Variants in BRINP1 observed in about 807,000 individuals in gnomAD.
BRINP1 encodes BMP/retinoic acid inducible neural specific 1.
In BRINP1, 17 loss-of-function variants were observed where a neutral mutation model predicts 72.9. The ratio of observed to expected loss-of-function variants is 0.23; its 90% CI spans 0.16 to 0.35. The LOEUF (loss-of-function observed/expected upper bound fraction) is 0.35. Ranked by LOEUF, BRINP1 falls within the 10% of genes least tolerant of loss-of-function variation. The pLI, the probability that BRINP1 is intolerant of heterozygous loss-of-function variation, is 1.00. For missense variants in BRINP1, 850 were observed against 1,001.6 expected (o/e 0.85, Z 2.04); for synonymous variants, 418 against 378.5 (o/e 1.10, Z -1.21).
rs1314330823 is a variant in BRINP1 at position 119,242,051 on chromosome 9, A to T, written c.575T>A (p.Ile192Asn). Residue 192 changes from isoleucine (I) to asparagine (N), a missense_variant, in exon 4 of 8, where the codon ATC becomes AAC. Coordinates refer to ENST00000265922, the MANE Select transcript of BRINP1 (RefSeq NM_014618.3). ...AAATCCACCCCGGAGCTGTACCTTG[A>T]TTGCTCCAGTTGATATCTGGATCTC... ...LHEIQISTGAIKVTETRTGPL... is the reference protein window; with the variant it reads ...LHEIQISTGANKVTETRTGPL... 6.2e-7 allele frequency: 1 copy of T among 1,613,686 alleles called. No individual in the cohort carries two copies. Among genetic ancestry groups the T allele is most frequent in the Admixed American group, 1.7e-5 (1 of 60,012 alleles).
rs529324866 is a variant in BRINP1 at position 119,329,513 on chromosome 9, T to C, written c.-50-16108A>G. Among the ~76,000 whole-genome samples, 3 of 152,268 alleles carry C rather than the reference T, an allele frequency of 2.0e-5. No homozygotes were observed. In the South Asian group the frequency reaches 6.2e-4, roughly 32 times the overall value. On this transcript the variant is annotated intron_variant, in intron 1 of 7. Coordinates refer to ENST00000265922, the MANE Select transcript of BRINP1 (RefSeq NM_014618.3). ...ATGCTGGATGTGCCTGGGCCGGCAA[T>C]CACAGGTTCAGTGTTGAGATTGAGC...
At chr9:119,258,290 G>A (rs1382408249) in intron 2 of BRINP1, among the ~76,000 whole-genome samples, 1 of 152,120 alleles carries the variant, frequency 6.6e-6, no homozygotes, top group African/African-American at 2.4e-5. Flanking sequence ...AACTTGAGAG[G>A]GAAAAATAGA....
chr9:119,348,548 C>G (rs1831471856), intron 1 of BRINP1, among the ~76,000 whole-genome samples: 2 of 152,190 alleles, frequency 1.3e-5, no homozygotes, highest in South Asian at 4.1e-4. Flanking sequence ...TTTTGCATCC[C>G]CACTAGCAAT....
chr9:119,291,738 G>T (rs1197089567), intron 2 of BRINP1, among the ~76,000 whole-genome samples: 1 of 152,184 alleles, frequency 6.6e-6, no homozygotes, highest in Admixed American at 6.5e-5. Context: ...GACGTCTGAG[G>T]ATGTCTTTCA....
intron 2 of BRINP1, among the ~76,000 whole-genome samples, chr9:119,276,337 C>G (rs1830658117): frequency 6.6e-6 from 1 of 152,096 alleles, no homozygotes; most frequent in South Asian, 2.1e-4. Context: ...TATGAGAACA[C>G]CTTCCTGATT....
intron 6 of BRINP1, among the ~76,000 whole-genome samples, chr9:119,210,569 C>T (rs1829911979): frequency 1.3e-5 from 2 of 152,088 alleles, no homozygotes; most frequent in African/African-American, 4.8e-5. Context: ...AGTCTGGCTC[C>T]AAATCCTGTG....
At chr9:119,328,530 C>T (rs756970809) in intron 1 of BRINP1, among the ~76,000 whole-genome samples, 23 of 152,130 alleles carry the variant, frequency 1.5e-4, no homozygotes, top group Non-Finnish European at 3.2e-4. Flanking sequence ...GAATATGAGA[C>T]AGAAAGATAA....
chr9:119,365,594 G>A (rs1385809480), intron 1 of BRINP1, among the ~76,000 whole-genome samples: 2 of 152,108 alleles, frequency 1.3e-5, no homozygotes, highest in African/African-American at 4.8e-5. Context: ...CAACTGAAGG[G>A]GCCTTTGGGC....
At chr9:119,209,077 A>G in intron 6 of BRINP1, 136 bp from the exon 7 acceptor site, 2 of 669,534 alleles carry the variant, frequency 3.0e-6, no homozygotes, top group Non-Finnish European at 2.6e-6. Context: ...GCCATAGAAC[A>G]TTGCATTAGT....
chr9:119,367,221 G>GTGATATATATATATATATATAT lies in BRINP1; in HGVS notation c.-51+1834_-51+1835insATATATATATATATATATATCA, dbSNP rs1564259756. On this transcript the variant is annotated intron_variant, in intron 1 of 7. Transcript: ENST00000265922. ...TGTGTGTGTGTGTGTGTGTGTGATTGATATATATATATATATATATATCTT... is the reference window on the plus strand; with the variant it reads ...TGTGTGTGTGTGTGTGTGTGTGATTGTGATATATATATATATATATATATATATATATATATATATATATCTT... Among the ~76,000 whole-genome samples the GTGATATATATATATATATATAT allele has an allele frequency of 3.3e-3, 326 of 99,790 alleles. 2 individuals carry two copies. The highest frequency in any genetic ancestry group is 4.3e-3 in the Admixed American group (36 of 8,438). 65.5% of individuals were successfully genotyped at this position (99,790 alleles called of 152,430 possible).
At chr9:119,216,884 T>A (rs969784265) in intron 5 of BRINP1, among the ~76,000 whole-genome samples, 3 of 152,128 alleles carry the variant, frequency 2.0e-5, no homozygotes, top group Non-Finnish European at 4.4e-5. Flanking sequence ...TGAAAACAGA[T>A]GAAGTTTGGG....
chr9:119,365,092 G>T (rs1831678160), intron 1 of BRINP1, among the ~76,000 whole-genome samples: 1 of 152,176 alleles, frequency 6.6e-6, no homozygotes, highest in Non-Finnish European at 1.5e-5. Context: ...TATACCCCCA[G>T]CGCTATAAAG....
At chr9:119,309,028 C>A (rs1831032789) in intron 2 of BRINP1, among the ~76,000 whole-genome samples, 1 of 151,362 alleles carries the variant, frequency 6.6e-6, no homozygotes, top group African/African-American at 2.4e-5. Flanking sequence ...CAGGAAAAAT[C>A]TTTGGACTAA....
At chr9:119,189,053 G>C (rs566886186) in intron 7 of BRINP1, among the ~76,000 whole-genome samples, 2 of 152,086 alleles carry the variant, frequency 1.3e-5, no homozygotes, top group Non-Finnish European at 2.9e-5. Flanking sequence ...TAAATAGTTG[G>C]GGGGAGGGTA....
chr9:119,171,015 C>T (rs1468503853), intron 7 of BRINP1, among the ~76,000 whole-genome samples: 15 of 145,340 alleles, frequency 1.0e-4, no homozygotes, highest in Middle Eastern at 3.5e-3. Flanking sequence ...CGGTACCAGC[C>T]GCTGCAAAAT....
intron 5 of BRINP1, among the ~76,000 whole-genome samples, chr9:119,216,604 T>C (rs1829980585): frequency 6.6e-6 from 1 of 152,212 alleles, no homozygotes; most frequent in Non-Finnish European, 1.5e-5. Flanking sequence ...AATTTATTTT[T>C]AGCTGATCCC....
chr9:119,357,516 A>G (rs1831581159), intron 1 of BRINP1, among the ~76,000 whole-genome samples: 1 of 152,206 alleles, frequency 6.6e-6, no homozygotes, highest in African/African-American at 2.4e-5. Flanking sequence ...CTAAGGGTGC[A>G]GATAAGCATG....
chr9:119,235,243 A>G (rs931441572), intron 5 of BRINP1, among the ~76,000 whole-genome samples: 9 of 152,170 alleles, frequency 5.9e-5, no homozygotes, highest in Admixed American at 2.0e-4. Context: ...CATGGTATCC[A>G]TTGCTCTCAA....
chr9:119,269,302 T>A (rs182437206), intron 2 of BRINP1, among the ~76,000 whole-genome samples: 3 of 152,232 alleles, frequency 2.0e-5, no homozygotes, highest in Admixed American at 6.5e-5. Flanking sequence ...TCCCGTTGAG[T>A]GCAGGAACTT....
Sources: allele counts gnomAD v4.1 joint callset (sites outside exome capture counted in the v4.1 genomes callset), GRCh38; gene constraint gnomAD v4.1.1; transcripts MANE v1.5; gene names NCBI Gene and HGNC (gene_info 2026-07-23, HGNC 2026-07-21).